The following GABRA1 variants were observed in gnomAD, a reference collection of about 807,000 sequenced individuals.
GABRA1 encodes gamma-aminobutyric acid type A receptor subunit alpha1.
A neutral mutation model predicts 48.9 loss-of-function variants in GABRA1; 9 were observed. The ratio of observed to expected loss-of-function variants is 0.18; its 90% CI spans 0.11 to 0.32. GABRA1 has a LOEUF of 0.32. Among genes scored for constraint, GABRA1 ranks in the 10% least tolerant of loss-of-function variants. The pLI is 1.00. For synonymous variants in GABRA1, 210 were observed against 198.7 expected (o/e 1.06, Z -0.48); for missense variants, 285 against 553.8 (o/e 0.51, Z 4.87).
rs149362444 is a variant in GABRA1 at position 161,865,494 on chromosome 5, T to A, written c.188-227T>A. Reference sequence around the variant, plus strand: ...CATTAGGCAGCAGCTGAGTTTTCCATAAAGTCTGCCTCCCAAAGTGGCATA... The same window carrying A: ...CATTAGGCAGCAGCTGAGTTTTCCAAAAAGTCTGCCTCCCAAAGTGGCATA... On this transcript the variant is annotated intron_variant, in intron 3 of 9. Coordinates refer to ENST00000393943, the MANE Select transcript of GABRA1 (RefSeq NM_001127644.2). 1.4e-3 allele frequency among the ~76,000 whole-genome samples: 214 copies of A among 152,272 alleles called. 1 individual carries two copies. Among genetic ancestry groups the A allele is most frequent in the African/African-American group, 4.9e-3 (204 of 41,566 alleles).
chr5:161,849,586 G>A (rs1417192497), intron 1 of GABRA1, among the ~76,000 whole-genome samples: 3 of 151,986 alleles, frequency 2.0e-5, no homozygotes, highest in East Asian at 3.9e-4. Flanking sequence ...ATGATTTCCC[G>A]AGACTGCAGA....
rs902164466 is a variant in GABRA1, at chr5:161,898,716, A to G, written c.*1294A>G. 2.0e-5 allele frequency: 3 copies of G among 152,532 alleles called. No individual in the cohort carries two copies. The highest frequency in any genetic ancestry group is 7.2e-5 in the African/African-American group (3 of 41,438). The allele number at this position is 152,532 out of a possible 1,614,324, so 9.4% of individuals were successfully genotyped here. A position where few individuals can be genotyped will look rare whatever the true frequency, so the allele number is the denominator to read the frequency against. Reference sequence around the variant, plus strand: ...TCCACACATTTCCCTATTTTAGGCTATTATAATATAGAAAGAAAATGGGAA... The same window carrying G: ...TCCACACATTTCCCTATTTTAGGCTGTTATAATATAGAAAGAAAATGGGAA... On this transcript the variant is annotated 3_prime_UTR_variant, in exon 10 of 10. Transcript: ENST00000393943.
chr5:161,864,332 T>C (rs1363829256), intron 3 of GABRA1, among the ~76,000 whole-genome samples: 1 of 152,070 alleles, frequency 6.6e-6, no homozygotes, highest in African/African-American at 2.4e-5. Context: ...TAGGTATATC[T>C]CCCAATGCTA....
chr5:161,861,163 T>A (rs995751584), intron 3 of GABRA1, among the ~76,000 whole-genome samples: 4 of 151,802 alleles, frequency 2.6e-5, no homozygotes, highest in Non-Finnish European at 5.9e-5. Flanking sequence ...ACCCTGTGAA[T>A]GTGAAATAGG....
At chr5:161,894,791 T>C (rs934403020) in intron 8 of GABRA1, among the ~76,000 whole-genome samples, 1 of 152,184 alleles carries the variant, frequency 6.6e-6, no homozygotes, top group Non-Finnish European at 1.5e-5. Context: ...TTTCTCATAC[T>C]AACATATAAT....
At chr5:161,872,792 T>C (rs1754179887) in intron 4 of GABRA1, among the ~76,000 whole-genome samples, 1 of 152,198 alleles carries the variant, frequency 6.6e-6, no homozygotes, top group South Asian at 2.1e-4. Flanking sequence ...AAAATTGTGA[T>C]ATATTCTATT....
chr5:161,897,010 CACAG>C, intron 9 of GABRA1, 97 bp from the exon 10 acceptor site: 1 of 980,816 alleles, frequency 1.0e-6, no homozygotes, highest in Non-Finnish European at 1.6e-6. Flanking sequence ...CTAAATAAGG[CACAG>C]ATTTAGGCTG....
chr5:161,867,759 G>A lies in GABRA1; in HGVS notation c.255+1971G>A, dbSNP rs556898251. On this transcript the variant is annotated intron_variant, in intron 4 of 9. Transcript: ENST00000393943. ...CAGAGGCCCAAATCAAGACCCAAAC[G>A]CTTTATGAAATCATTTTTATTAGTC... Among the ~76,000 whole-genome samples, 9 of 151,924 alleles carry A rather than the reference G, an allele frequency of 5.9e-5. No individual in the cohort carries two copies. The South Asian group carries it at 6.2e-4, about 11-fold the overall frequency.
At chr5:161,878,690 G>A (rs1471880897) in intron 6 of GABRA1, among the ~76,000 whole-genome samples, 1 of 152,210 alleles carries the variant, frequency 6.6e-6, no homozygotes, top group East Asian at 1.9e-4. Flanking sequence ...CAGCTAACCC[G>A]AGGGCAATGT....
intron 5 of GABRA1, among the ~76,000 whole-genome samples, chr5:161,874,480 G>A (rs1754261313): frequency 1.3e-5 from 2 of 152,082 alleles, no homozygotes; most frequent in African/African-American, 4.8e-5. Flanking sequence ...TTGGCTTTGA[G>A]CCTAAATCCA....
At chr5:161,878,681 A>G (rs770728496) in intron 6 of GABRA1, among the ~76,000 whole-genome samples, 1 of 152,176 alleles carries the variant, frequency 6.6e-6, no homozygotes, top group African/African-American at 2.4e-5. Context: ...TTATAAAGTC[A>G]GCTAACCCGA....
At chr5:161,867,310 G>A (rs1753911778) in intron 4 of GABRA1, among the ~76,000 whole-genome samples, 2 of 152,152 alleles carry the variant, frequency 1.3e-5, no homozygotes, top group Non-Finnish European at 2.9e-5. Flanking sequence ...CATGTTTAAG[G>A]TCAAATAAAA....
chr5:161,891,199 T>C (rs1755072786), intron 8 of GABRA1, 149 bp downstream of exon 8: 2 of 741,564 alleles, frequency 2.7e-6, no homozygotes, highest in Non-Finnish European at 4.5e-6. Context: ...CCACTCTCAT[T>C]ATGGTATATA....
intron 4 of GABRA1, among the ~76,000 whole-genome samples, chr5:161,871,467 GA>G (rs1283818529): frequency 6.6e-6 from 1 of 152,118 alleles, no homozygotes; most frequent in Admixed American, 6.6e-5. Context: ...ATCCAGAGAG[GA>G]AAACCTGCAC....
chr5:161,852,651 CAG>C (rs1419340230), intron 2 of GABRA1, among the ~76,000 whole-genome samples: 2 of 151,818 alleles, frequency 1.3e-5, no homozygotes, highest in African/African-American at 4.8e-5. Context: ...TTTAAAAAAA[CAG>C]CAAGATGTTT....
chr5:161,879,219 G>A (rs1422512436), intron 6 of GABRA1, among the ~76,000 whole-genome samples: 5 of 152,038 alleles, frequency 3.3e-5, no homozygotes, highest in Non-Finnish European at 5.9e-5. Context: ...AGTGGTCCTC[G>A]TACCTCAGCC....
chr5:161,850,538 T>C (rs2113292095), intron 1 of GABRA1: 4 of 577,490 alleles, frequency 6.9e-6, no homozygotes, highest in South Asian at 6.8e-5. Context: ...TGTTGAGCAA[T>C]ACTGTCACCT....
At chr5:161,875,779 G>C (rs1030178955) in intron 6 of GABRA1, 137 bp downstream of exon 6, 1 of 712,934 alleles carries the variant, frequency 1.4e-6, no homozygotes, top group Non-Finnish European at 2.6e-6. Flanking sequence ...CTTTCCATAA[G>C]TAGTGCTCTG....
intron 3 of GABRA1, among the ~76,000 whole-genome samples, chr5:161,854,599 C>T (rs928864837): frequency 2.0e-5 from 3 of 151,686 alleles, no homozygotes; most frequent in Non-Finnish European, 4.4e-5. Context: ...CTGCAGCTAT[C>T]TCACCTGGTA....
Sources: gnomAD v4.1 joint callset for allele counts (sites outside exome capture counted in the v4.1 genomes callset) on GRCh38, gnomAD v4.1.1 for gene constraint, MANE v1.5 for transcripts, NCBI Gene and HGNC (gene_info 2026-07-23, HGNC 2026-07-21) for gene names.